HNF4G: variants seen among roughly 807,000 people sequenced by gnomAD.
The protein encoded by HNF4G is hepatocyte nuclear factor 4-gamma.
Under a neutral mutation model 50.9 loss-of-function variants are expected in HNF4G, and 21 were observed. That is an observed-to-expected ratio of 0.41 (90% confidence interval 0.29 to 0.59). The LOEUF is 0.59. Ranked by LOEUF, HNF4G falls within the 20% of genes least tolerant of loss-of-function variation. The probability of loss-of-function intolerance (pLI) is 0.26; values close to 1 mark genes in which losing one functional copy is unlikely to be tolerated. For missense variants in HNF4G, 527 were observed against 559.4 expected (o/e 0.94, Z 0.58); for synonymous variants, 198 against 185.6 (o/e 1.07, Z -0.54).
intron 1 of HNF4G, among the ~76,000 whole-genome samples, chr8:75,420,088 T>A (rs2130486521): frequency 6.6e-6 from 1 of 152,320 alleles, no homozygotes; most frequent in East Asian, 1.9e-4. Flanking sequence ...CCCAATTTTT[T>A]GCTTAAATCA....
intron 2 of HNF4G, 49 bp from the exon 3 acceptor site, chr8:75,547,538 C>T (rs772292107): frequency 2.3e-6 from 3 of 1,298,560 alleles, no homozygotes; most frequent in Admixed American, 1.9e-5. Context: ...TTATTTGCTT[C>T]TTTTGTAAAT....
chr8:75,421,408 A>G (rs1236934693), intron 1 of HNF4G, among the ~76,000 whole-genome samples: 1 of 152,166 alleles, frequency 6.6e-6, no homozygotes, highest in Admixed American at 6.6e-5. Context: ...TTTAACTTTG[A>G]ATTGGTTTTT....
At chr8:75,463,066 G>GTTTTTTTT (rs11386959) in intron 1 of HNF4G, among the ~76,000 whole-genome samples, 2 of 138,398 alleles carry the variant, frequency 1.4e-5, no homozygotes, top group Non-Finnish European at 1.6e-5. Context: ...TTGTTTTTTT[G>GTTTTTTTT]TTTTTTTTTT....
At chr8:75,420,279 G>A (rs956603336) in intron 1 of HNF4G, among the ~76,000 whole-genome samples, 2 of 152,148 alleles carry the variant, frequency 1.3e-5, no homozygotes, top group Non-Finnish European at 2.9e-5. Context: ...GTAAGTCTAC[G>A]AACTGCTTTC....
At chr8:75,480,780 G>A (rs2130656402) in intron 1 of HNF4G, among the ~76,000 whole-genome samples, 1 of 146,132 alleles carries the variant, frequency 6.8e-6, no homozygotes, top group African/African-American at 2.5e-5. Flanking sequence ...GCGTGATCTC[G>A]GCTCACTGCA....
intron 3 of HNF4G, among the ~76,000 whole-genome samples, chr8:75,550,248 A>T (rs1183004823): frequency 6.6e-6 from 1 of 152,166 alleles, no homozygotes; most frequent in African/African-American, 2.4e-5. Flanking sequence ...TTAATGAAAG[A>T]TAATTTCACC....
intron 1 of HNF4G, among the ~76,000 whole-genome samples, chr8:75,408,656 G>A (rs1810420846): frequency 6.6e-6 from 1 of 152,216 alleles, no homozygotes; most frequent in African/African-American, 2.4e-5. Flanking sequence ...GTGTCTAACT[G>A]AAATAAGCCA....
intron 1 of HNF4G, among the ~76,000 whole-genome samples, chr8:75,456,440 G>C (rs560128448): frequency 1.3e-5 from 2 of 152,192 alleles, no homozygotes; most frequent in East Asian, 3.9e-4. Context: ...CTTCCTGAGA[G>C]CATGGTCCTC....
intron 2 of HNF4G, among the ~76,000 whole-genome samples, chr8:75,501,287 A>C (rs2130705204): frequency 1.3e-5 from 2 of 152,184 alleles, no homozygotes; most frequent in African/African-American, 4.8e-5. Context: ...AAAAAATAAA[A>C]ATAAAAAAAA....
At chr8:75,559,264 G>A (rs1807229379) in intron 8 of HNF4G, among the ~76,000 whole-genome samples, 1 of 75,460 alleles carries the variant, frequency 1.3e-5, no homozygotes, top group South Asian at 3.3e-4. Context: ...ACCCCCATTC[G>A]TTTTTTTTGT....
At chr8:75,440,783 T>A (rs1043313565) in intron 1 of HNF4G, among the ~76,000 whole-genome samples, 3 of 152,208 alleles carry the variant, frequency 2.0e-5, no homozygotes, top group Admixed American at 1.3e-4. Context: ...AAATTAAGAC[T>A]ATACATGTAT....
At position 75,565,406 on chromosome 8, in the gene HNF4G, T is replaced by C. The variant is rs1363317648; in HGVS notation, c.*1310T>C. 1 of 152,178 alleles carries C rather than the reference T, an allele frequency of 6.6e-6. No homozygotes were observed. Among genetic ancestry groups the C allele is most frequent in the Non-Finnish European group, 1.5e-5 (1 of 68,030 alleles). The allele number at this position is 152,178 out of a possible 1,614,324, so 9.4% of individuals were successfully genotyped here. A position where few individuals can be genotyped will look rare whatever the true frequency, so the allele number is the denominator to read the frequency against. On this transcript the variant is annotated 3_prime_UTR_variant, in exon 10 of 10. Transcript: ENST00000396423. ...TAAAATAAAAGATTCACCGGATGGA[T>C]TCTGATGAAAACGAAAACAAAGTAA...
At chr8:75,557,285 T>G (rs1303489641) in intron 6 of HNF4G, among the ~76,000 whole-genome samples, 1 of 152,022 alleles carries the variant, frequency 6.6e-6, no homozygotes, top group East Asian at 1.9e-4. Flanking sequence ...TGTTAATGAG[T>G]TTTACTATGG....
intron 2 of HNF4G, among the ~76,000 whole-genome samples, chr8:75,529,826 CACA>C (rs1806281944): frequency 6.6e-6 from 1 of 152,112 alleles, no homozygotes; most frequent in African/African-American, 2.4e-5. Flanking sequence ...CCTTTCTCAT[CACA>C]ACATTTATCT....
chr8:75,522,658 C>T (rs189975490), intron 2 of HNF4G, among the ~76,000 whole-genome samples: 2 of 152,234 alleles, frequency 1.3e-5, no homozygotes, highest in Admixed American at 6.5e-5. Flanking sequence ...CATCTTTCTC[C>T]CTCAGTTATC....
intron 2 of HNF4G, among the ~76,000 whole-genome samples, chr8:75,499,653 A>G (rs1413818479): frequency 6.6e-6 from 1 of 152,100 alleles, no homozygotes; most frequent in Admixed American, 6.5e-5. Context: ...AAGGTACAGT[A>G]ATTAAAGCTG....
At chr8:75,423,945 T>C (rs1487112232) in intron 1 of HNF4G, among the ~76,000 whole-genome samples, 1 of 142,934 alleles carries the variant, frequency 7.0e-6, no homozygotes, top group Non-Finnish European at 1.5e-5. Context: ...TGCCTCAGCC[T>C]CCCGAGTAGC....
chr8:75,509,566 C>A (rs1805695297), intron 2 of HNF4G, among the ~76,000 whole-genome samples: 1 of 152,144 alleles, frequency 6.6e-6, no homozygotes, highest in South Asian at 2.1e-4. Flanking sequence ...ATCAATGGAA[C>A]TTTATCTTCT....
intron 1 of HNF4G, among the ~76,000 whole-genome samples, chr8:75,413,321 G>A (rs1182706905): frequency 7.5e-6 from 1 of 134,124 alleles, no homozygotes; most frequent in Non-Finnish European, 1.6e-5. Flanking sequence ...GAGGGAAGGG[G>A]AGGGGAAGGG....
Sources: allele counts gnomAD v4.1 joint callset (sites outside exome capture counted in the v4.1 genomes callset), GRCh38; gene constraint gnomAD v4.1.1; transcripts MANE v1.5; gene names NCBI Gene and HGNC (gene_info 2026-07-23, HGNC 2026-07-21).